The following TET3 variants were observed in gnomAD, a reference collection of about 807,000 sequenced individuals.
TET3 encodes methylcytosine dioxygenase TET3.
A neutral mutation model predicts 141.4 loss-of-function variants in TET3; 19 were observed. The observed-to-expected ratio is 0.13, with a 90% CI of 0.09 to 0.20. TET3 has a LOEUF of 0.20. Among genes scored for constraint, TET3 ranks in the 10% least tolerant of loss-of-function variants. The pLI is 1.00. For missense variants in TET3, 1,874 were observed against 2,356.9 expected (o/e 0.80, Z 4.24); for synonymous variants, 1,043 against 980.9 (o/e 1.06, Z -1.18).
chr2:74,055,488 C>T (rs1489644786), intron 4 of TET3, among the ~76,000 whole-genome samples: 1 of 152,158 alleles, frequency 6.6e-6, no homozygotes, highest in African/African-American at 2.4e-5. Flanking sequence ...TAACATTCTA[C>T]CTGCCCATGG....
At chr2:74,112,610 A>G (rs1419006156), downstream of TET3, among the ~76,000 whole-genome samples, 1 of 152,210 alleles carries the variant, frequency 6.6e-6, no homozygotes, top group East Asian at 1.9e-4. Flanking sequence ...AATTATTTTA[A>G]AAAACAAATA....
At chr2:74,128,182 ATTT>A in the TET3 span, among the ~76,000 whole-genome samples, 2 of 149,762 alleles carry the variant, frequency 1.3e-5, no homozygotes, top group Non-Finnish European at 3.0e-5. Context: ...AACTCAAGGC[ATTT>A]TTTTTTTCGC....
At chr2:73,999,303 C>T (rs1307396914) in intron 2 of TET3, among the ~76,000 whole-genome samples, 1 of 152,208 alleles carries the variant, frequency 6.6e-6, no homozygotes, top group Non-Finnish European at 1.5e-5. Context: ...GGGCAAGATA[C>T]TTAGCCTGTC....
At chr2:74,016,012 C>A (rs1031542370) in intron 3 of TET3, among the ~76,000 whole-genome samples, 2 of 151,990 alleles carry the variant, frequency 1.3e-5, no homozygotes. Flanking sequence ...TTTTATTGAT[C>A]CACAAAAGTT....
At chr2:74,005,293 C>T (rs944033275) in intron 3 of TET3, among the ~76,000 whole-genome samples, 2 of 152,232 alleles carry the variant, frequency 1.3e-5, no homozygotes, top group African/African-American at 2.4e-5. Context: ...AGTCTTTCTC[C>T]TTCCGCCTTC....
Position 74,046,345 on chromosome 2 carries a change from A to T in TET3, c.428A>T (p.His143Leu). 1 of 1,527,576 alleles carries T rather than the reference A, an allele frequency of 6.5e-7. No individual in the cohort carries two copies. The highest frequency in any genetic ancestry group is 2.2e-5 in the Admixed American group (1 of 45,114). The allele number at this position is 1,527,576 out of a possible 1,614,324, so 94.6% of individuals were successfully genotyped here. ...PGQMDSGPVY[H>L]GDSRQLSASG... ...CAGATGGACTCAGGGCCAGTGTACC[A>T]TGGGGACTCACGGCAGCTAAGCGCC... Residue 143 changes from histidine to leucine, a missense_variant, in exon 4 of 12, where the codon CAT becomes CTT. His to Leu is a moderately conservative substitution (Grantham distance 99). Around this residue, in one of 10 missense-constraint regions of TET3, gnomAD observed 366 missense variants for 487.0 expected, o/e 0.75. Transcript: ENST00000409262. The surrounding 1 kb of genome is among the most constrained non-coding windows in gnomAD (Gnocchi z 4.3).
intron 4 of TET3, among the ~76,000 whole-genome samples, chr2:74,055,034 T>C (rs1688140958): frequency 6.6e-6 from 1 of 152,116 alleles, no homozygotes; most frequent in Non-Finnish European, 1.5e-5. Context: ...TAGCCAGGAC[T>C]ACAGGCATGC....
At chr2:74,099,253 C>G (rs774095481) in intron 10 of TET3, 23 bp from the exon 11 acceptor site, 1 of 1,547,114 alleles carries the variant, frequency 6.5e-7, no homozygotes, top group Non-Finnish European at 8.8e-7. Context: ...CCCATGTCCT[C>G]TCTCCCCCAC....
chr2:74,013,985 A>G lies in TET3; in HGVS notation c.360+10819A>G, dbSNP rs1211352550. On this transcript the variant is annotated intron_variant, in intron 3 of 11. Coordinates refer to ENST00000409262, the MANE Select transcript of TET3 (RefSeq NM_001287491.2). ...AATATGTCTACAGCTACTGCTTTTC[A>G]GTTCCCTCAGTAGCTGTGGTTTTTT... is the stretch of plus-strand genomic sequence containing the variant. Among the ~76,000 whole-genome samples, 38 of 152,084 alleles carry G rather than the reference A, an allele frequency of 2.5e-4. 1 individual carries two copies. Among genetic ancestry groups the G allele is most frequent in the Admixed American group, 2.4e-3 (37 of 15,274 alleles).
At chr2:74,133,525 C>T in the TET3 span, among the ~76,000 whole-genome samples, 1 of 152,190 alleles carries the variant, frequency 6.6e-6, no homozygotes, top group African/African-American at 2.4e-5. Context: ...TGGCAGAAGG[C>T]CTCATTCTGT....
At chr2:74,133,722 A>G in the TET3 span, among the ~76,000 whole-genome samples, 1 of 152,148 alleles carries the variant, frequency 6.6e-6, no homozygotes, top group Non-Finnish European at 1.5e-5. Context: ...CTGAAACTGC[A>G]GGTCACTTTC....
At chr2:73,998,995 T>G (rs1684723488) in intron 2 of TET3, among the ~76,000 whole-genome samples, 1 of 151,852 alleles carries the variant, frequency 6.6e-6, no homozygotes, top group Non-Finnish European at 1.5e-5. Flanking sequence ...AGGGGTCAGA[T>G]GAGAAATGTT....
At chr2:74,009,683 C>T (rs1685326028) in intron 3 of TET3, among the ~76,000 whole-genome samples, 1 of 152,218 alleles carries the variant, frequency 6.6e-6, no homozygotes, top group Admixed American at 6.5e-5. Flanking sequence ...TAGTCCTGCC[C>T]CTTGTGCTTT....
chr2:74,099,227 C>T (rs1451694708), intron 10 of TET3, 49 bp from the exon 11 acceptor site: 1 of 1,495,766 alleles, frequency 6.7e-7, no homozygotes, highest in African/African-American at 1.4e-5. Context: ...TCTCTCCCAG[C>T]ACTCGGTCCC....
intron 3 of TET3, among the ~76,000 whole-genome samples, chr2:74,013,161 G>GT (rs1685553011): frequency 6.6e-6 from 1 of 151,752 alleles, no homozygotes; most frequent in Non-Finnish European, 1.5e-5. Context: ...TGCCCAGCTA[G>GT]TTTTTTGTAT....
chr2:74,024,747 A>G (rs1204393673), intron 3 of TET3, among the ~76,000 whole-genome samples: 2 of 152,200 alleles, frequency 1.3e-5, no homozygotes, highest in African/African-American at 2.4e-5. Flanking sequence ...CATAGATACC[A>G]TACAGTAAAC....
chr2:74,018,998 G>C (rs576844252), intron 3 of TET3, among the ~76,000 whole-genome samples: 2 of 152,156 alleles, frequency 1.3e-5, no homozygotes, highest in Non-Finnish European at 2.9e-5. Flanking sequence ...CATAATGCCA[G>C]TGCTTTGGGA....
Position 74,046,778 on chromosome 2 carries a change from G to A in TET3, c.861G>A (p.Glu287=). The A allele has an allele frequency of 1.9e-6, 3 of 1,613,606 alleles. No individual in the cohort carries two copies. In the Admixed American group the frequency reaches 5.0e-5, roughly 27 times the overall value. Residue 287 remains glutamate (E), a synonymous_variant, in exon 4 of 12, where the codon GAG becomes GAA. Transcript: ENST00000409262. This position sits in a 1 kb window ranked among gnomAD's most constrained non-coding sequence, Gnocchi z 4.3. ...PECPDYLEWL[E]GKIKSVVMEG... ...GCCCTGACTACCTCGAGTGGCTGGA[G>A]GGGAAGATCAAGTCTGTGGTCATGG...
At position 74,101,477 on chromosome 2, in the gene TET3, G is replaced by A. The variant is rs1201996445; in HGVS notation, c.4689G>A (p.Glu1563=). 6.2e-7 allele frequency: 1 copy of A among 1,613,508 alleles called. No individual in the cohort carries two copies. The highest frequency in any genetic ancestry group is 8.5e-7 in the Non-Finnish European group (1 of 1,179,788). ...QDKLWNPMKG[E]EGRIPAAGAS... is the part of the protein sequence containing the mutation. ...AGCTGTGGAACCCCATGAAAGGAGA[G>A]GAGGGCAGGATTCCAGCCGCAGGGG... The change falls in exon 12 of 12, where the codon GAG becomes GAA. Residue 1563 remains glutamate, a synonymous_variant. Coordinates refer to ENST00000409262, the MANE Select transcript of TET3 (RefSeq NM_001287491.2). This position sits in a 1 kb window ranked among gnomAD's most constrained non-coding sequence, Gnocchi z 8.5.
Sources: allele counts gnomAD v4.1 joint callset (sites outside exome capture counted in the v4.1 genomes callset), GRCh38; gene constraint gnomAD v4.1.1; regional missense constraint gnomAD v4.1.1; non-coding constraint Gnocchi (gnomAD v3.1); transcripts MANE v1.5; gene names NCBI Gene and HGNC (gene_info 2026-07-23, HGNC 2026-07-21).